The following GADL1 variants were observed in gnomAD, a reference collection of about 807,000 sequenced individuals.
GADL1 encodes GAD like acidic amino acid decarboxylase 1.
In GADL1, 71 loss-of-function variants were observed where a neutral mutation model predicts 69.5. The observed-to-expected ratio is 1.02, with a 90% CI of 0.84 to 1.25. The LOEUF is 1.25. Among genes scored for constraint, GADL1 ranks in the 50% most tolerant of loss-of-function variants. The probability of loss-of-function intolerance (pLI) is 0.00; values close to 1 mark genes in which losing one functional copy is unlikely to be tolerated. For missense variants in GADL1, 737 were observed against 631.8 expected, an observed-to-expected ratio of 1.17 and a Z score of -1.79; for synonymous variants, 254 against 214.4, an observed-to-expected ratio of 1.18 and a Z score of -1.62.
At chr3:30,848,951 G>A (rs911595010) in intron 6 of GADL1, among the ~76,000 whole-genome samples, 1 of 152,140 alleles carries the variant, frequency 6.6e-6, no homozygotes, top group Non-Finnish European at 1.5e-5. Context: ...ATGAGGTTGT[G>A]GGGTCTTTCT....
intron 1 of GADL1, among the ~76,000 whole-genome samples, chr3:30,863,221 A>C (rs999336914): frequency 6.6e-6 from 1 of 152,004 alleles, no homozygotes; most frequent in Non-Finnish European, 1.5e-5. Context: ...TCTATATTAC[A>C]GATACTGCTT....
intron 1 of GADL1, among the ~76,000 whole-genome samples, chr3:30,875,214 A>G (rs1393291675): frequency 3.2e-5 from 4 of 124,220 alleles, no homozygotes; most frequent in Admixed American, 8.3e-5. Context: ...GGATATAGAG[A>G]AAAAAAAAAA....
At chr3:30,764,873 G>A (rs78665505) in intron 14 of GADL1, among the ~76,000 whole-genome samples, 3 of 152,110 alleles carry the variant, frequency 2.0e-5, no homozygotes, top group South Asian at 2.1e-4. Flanking sequence ...GCCAACATTT[G>A]AATTATCCCT....
intron 12 of GADL1, among the ~76,000 whole-genome samples, chr3:30,794,715 A>T (rs1696993115): frequency 6.6e-6 from 1 of 152,190 alleles, no homozygotes; most frequent in Non-Finnish European, 1.5e-5. Flanking sequence ...TTCCTTGCTA[A>T]ATTTCTGACA....
intron 6 of GADL1, among the ~76,000 whole-genome samples, chr3:30,846,485 T>G (rs933038364): frequency 1.3e-5 from 2 of 152,076 alleles, no homozygotes; most frequent in African/African-American, 2.4e-5. Flanking sequence ...ATGTACACTG[T>G]GCCCTGGACA....
At chr3:30,871,919 T>C (rs574259212) in intron 1 of GADL1, among the ~76,000 whole-genome samples, 1 of 152,132 alleles carries the variant, frequency 6.6e-6, no homozygotes, top group East Asian at 1.9e-4. Context: ...TGTTTTTCTT[T>C]CACTGGGCAC....
At chr3:30,744,925 C>T (rs568144971) in intron 14 of GADL1, among the ~76,000 whole-genome samples, 2 of 152,216 alleles carry the variant, frequency 1.3e-5, no homozygotes, top group East Asian at 1.9e-4. Context: ...ATAAGAAACA[C>T]GAACAGCGGC....
intron 4 of GADL1, 102 bp from the exon 5 acceptor site, chr3:30,851,043 G>T: frequency 1.5e-6 from 1 of 649,102 alleles, no homozygotes. Flanking sequence ...AGTGGCTGCT[G>T]AAGTGTAGGC....
At chr3:30,751,038 G>T (rs1695802160) in intron 14 of GADL1, among the ~76,000 whole-genome samples, 1 of 152,120 alleles carries the variant, frequency 6.6e-6, no homozygotes. Context: ...CGGGGTTAAG[G>T]CATAAACAAA....
At chr3:30,844,188 C>G in intron 8 of GADL1, 22 bp downstream of exon 8, 1 of 1,601,216 alleles carries the variant, frequency 6.2e-7, no homozygotes, top group Non-Finnish European at 8.5e-7. Context: ...TTCTCTCTCC[C>G]TCTCGCTTTC....
chr3:30,743,499 C>T (rs938279148), intron 14 of GADL1, among the ~76,000 whole-genome samples: 7 of 152,150 alleles, frequency 4.6e-5, no homozygotes, highest in African/African-American at 1.7e-4. Flanking sequence ...GAAAGGCACT[C>T]ATCCCAGAAA....
At chr3:30,890,828 CA>C (rs1698775611) in intron 1 of GADL1, among the ~76,000 whole-genome samples, 1 of 152,224 alleles carries the variant, frequency 6.6e-6, no homozygotes, top group African/African-American at 2.4e-5. Flanking sequence ...TTAACTTTCA[CA>C]TACAATTTTC....
chr3:30,868,292 C>T (rs1245696349), intron 1 of GADL1, among the ~76,000 whole-genome samples: 1 of 151,996 alleles, frequency 6.6e-6, no homozygotes, highest in African/African-American at 2.4e-5. Context: ...GTAGTCTGGA[C>T]CAATTTGCTT....
Position 30,747,652 on chromosome 3 carries a change from C to T in GADL1, c.1393-19237G>A, listed in dbSNP as rs146178522. Among the ~76,000 whole-genome samples, 133 of 152,202 alleles carry T rather than the reference C, an allele frequency of 8.7e-4. No individual in the cohort carries two copies. In the Middle Eastern group the frequency reaches 0.014, roughly 16 times the overall value. On this transcript the variant is annotated intron_variant, in intron 14 of 14. Transcript: ENST00000282538. ...TGCTTTTAAAGTTAATTTATAATTT[C>T]CTTTGAAATGAAGACTGTAGACATG...
intron 11 of GADL1, among the ~76,000 whole-genome samples, chr3:30,811,730 C>A (rs936898799): frequency 2.6e-5 from 4 of 152,180 alleles, no homozygotes; most frequent in African/African-American, 9.7e-5. Flanking sequence ...GCATGACTTA[C>A]AATTGACTGT....
intron 6 of GADL1, among the ~76,000 whole-genome samples, chr3:30,846,134 A>G (rs9842095): frequency 0.53 from 79,808 of 151,736 alleles, 24,698 homozygotes; most frequent in African/African-American, 0.86. Flanking sequence ...CCTGGAAGGG[A>G]GAACAAAAGA....
chr3:30,829,530 C>G (rs926831229), intron 11 of GADL1, among the ~76,000 whole-genome samples: 1 of 151,740 alleles, frequency 6.6e-6, no homozygotes, highest in African/African-American at 2.4e-5. Context: ...CTAACACAAG[C>G]CTTGTGTTAG....
rs962223553 is a variant in GADL1, at chr3:30,733,890, T to G, written c.1393-5475A>C. On this transcript the variant is annotated intron_variant, in intron 14 of 14. Coordinates refer to ENST00000282538, the MANE Select transcript of GADL1 (RefSeq NM_207359.3). The stretch of plus-strand genomic sequence containing the variant: ...TTCAGACTTTGATGGGCTTTCCCCG[T>G]GCCTCCCCCTTCTGAGGGGGTGCTC... Among the ~76,000 whole-genome samples, 41 of 152,122 alleles carry G rather than the reference T, an allele frequency of 2.7e-4. 1 individual carries two copies. Among genetic ancestry groups the G allele is most frequent in the Non-Finnish European group, 1.5e-5 (1 of 68,024 alleles).
At chr3:30,883,076 G>A (rs2125545441) in intron 1 of GADL1, among the ~76,000 whole-genome samples, 1 of 151,954 alleles carries the variant, frequency 6.6e-6, no homozygotes, top group East Asian at 1.9e-4. Context: ...TATTATTTGA[G>A]AATATTTTCT....
Sources: allele counts gnomAD v4.1 joint callset (sites outside exome capture counted in the v4.1 genomes callset), GRCh38; gene constraint gnomAD v4.1.1; transcripts MANE v1.5; gene names NCBI Gene and HGNC (gene_info 2026-07-23, HGNC 2026-07-21).